The following DAPK1 variants were observed in gnomAD, a reference collection of about 807,000 sequenced individuals.
DAPK1 encodes death-associated protein kinase 1.
Under a neutral mutation model 144.9 loss-of-function variants are expected in DAPK1, and 56 were observed. That is an observed-to-expected ratio of 0.39 (90% CI 0.31 to 0.48). The LOEUF (loss-of-function observed/expected upper bound fraction) is 0.48, where lower values mean the gene tolerates loss of function less well. Ranked by LOEUF, DAPK1 falls within the 20% of genes least tolerant of loss-of-function variation. The pLI is 0.95. For synonymous variants in DAPK1, 690 were observed against 749.0 expected, an observed-to-expected ratio of 0.92 and a Z score of 1.29; for missense variants, 1,454 against 1,875.4, an observed-to-expected ratio of 0.78 and a Z score of 4.15.
intron 2 of DAPK1, among the ~76,000 whole-genome samples, chr9:87,573,837 G>A (rs890807310): frequency 2.0e-5 from 3 of 152,194 alleles, no homozygotes; most frequent in African/African-American, 4.8e-5. Context: ...TTTGAGTTTT[G>A]AAGGTTTCTT....
chr9:87,567,516 C>T lies in DAPK1; in HGVS notation c.63-37438C>T, dbSNP rs1178129176. On this transcript the variant is annotated intron_variant, in intron 2 of 25. Coordinates refer to ENST00000408954, the MANE Select transcript of DAPK1 (RefSeq NM_004938.4). ...AGACCAGGTGTGGATCAGTAGACCC[C>T]GCTCACAATTGGAGTTGCGGGGTCA... Among the ~76,000 whole-genome samples, 9 of 152,038 alleles carry T rather than the reference C, an allele frequency of 5.9e-5. No individual in the cohort carries two copies. In the East Asian group the frequency reaches 1.2e-3, roughly 20 times the overall value.
intron 19 of DAPK1, among the ~76,000 whole-genome samples, chr9:87,677,917 G>A (rs1824458047): frequency 6.6e-6 from 1 of 152,122 alleles, no homozygotes; most frequent in East Asian, 1.9e-4. Flanking sequence ...CGTGGCGCTG[G>A]GGACAATTCA....
intron 20 of DAPK1, among the ~76,000 whole-genome samples, chr9:87,685,019 C>T (rs1279869350): frequency 1.3e-5 from 2 of 152,196 alleles, no homozygotes; most frequent in Non-Finnish European, 2.9e-5. Flanking sequence ...AATTCCAGGT[C>T]ACAGGGAAGT....
intron 3 of DAPK1, among the ~76,000 whole-genome samples, chr9:87,623,800 T>C (rs1479677384): frequency 1.3e-5 from 2 of 152,080 alleles, no homozygotes; most frequent in African/African-American, 4.8e-5. Context: ...GCTCATTTAA[T>C]GTAGAGACGG....
chr9:87,696,354 G>A (rs1251080562), intron 21 of DAPK1, among the ~76,000 whole-genome samples: 1 of 152,070 alleles, frequency 6.6e-6, no homozygotes, highest in Non-Finnish European at 1.5e-5. Flanking sequence ...TAGAAAAACA[G>A]ACATGGATAT....
intron 18 of DAPK1, among the ~76,000 whole-genome samples, chr9:87,664,614 T>C (rs1830985552): frequency 6.6e-6 from 1 of 152,234 alleles, no homozygotes; most frequent in African/African-American, 2.4e-5. Context: ...TGGAATCGTA[T>C]CCGGATTTCT....
intron 18 of DAPK1, among the ~76,000 whole-genome samples, chr9:87,661,470 A>C (rs1176096017): frequency 6.6e-6 from 1 of 152,156 alleles, no homozygotes; most frequent in Non-Finnish European, 1.5e-5. Context: ...CTTTCTCTGC[A>C]TCCTCTCCAA....
chr9:87,512,890 A>G (rs1587673798), intron 2 of DAPK1, among the ~76,000 whole-genome samples: 1 of 151,706 alleles, frequency 6.6e-6, no homozygotes. Context: ...CTGGTGATCC[A>G]CCCACCTCAG....
intron 3 of DAPK1, among the ~76,000 whole-genome samples, chr9:87,629,086 T>A (rs1181253461): frequency 6.6e-6 from 1 of 152,252 alleles, no homozygotes; most frequent in African/African-American, 2.4e-5. Context: ...ATGTGTGATC[T>A]TCTTTGGAAA....
chr9:87,561,176 T>G (rs933151391), intron 2 of DAPK1, among the ~76,000 whole-genome samples: 1 of 152,190 alleles, frequency 6.6e-6, no homozygotes, highest in Non-Finnish European at 1.5e-5. Flanking sequence ...TTATTTCCTA[T>G]CTTTTGGGCA....
intron 2 of DAPK1, among the ~76,000 whole-genome samples, chr9:87,534,218 G>A (rs971895964): frequency 1.3e-5 from 2 of 151,010 alleles, no homozygotes; most frequent in African/African-American, 4.9e-5. Context: ...CACACATATG[G>A]CCAAAATGCA....
At chr9:87,626,276 G>A (rs144773760) in intron 3 of DAPK1, among the ~76,000 whole-genome samples, 10 of 152,226 alleles carry the variant, frequency 6.6e-5, no homozygotes, top group Non-Finnish European at 1.0e-4. Context: ...TTAGCTGGGC[G>A]TGGTGGTGCA....
At position 87,538,532 on chromosome 9, in the gene DAPK1, A is replaced by T. The variant is rs1424179928; in HGVS notation, c.62+39393A>T. On this transcript the variant is annotated intron_variant, in intron 2 of 25. Coordinates refer to ENST00000408954, the MANE Select transcript of DAPK1 (RefSeq NM_004938.4). Reference sequence around the variant, plus strand: ...TTTGAAAGGCCTTTAACTGAAGTCCACTGAAATCTTCAACAACACGGTTCA... The same window carrying T: ...TTTGAAAGGCCTTTAACTGAAGTCCTCTGAAATCTTCAACAACACGGTTCA... 1.3e-5 allele frequency among the ~76,000 whole-genome samples: 2 copies of T among 152,358 alleles called. 1 individual carries two copies. The highest frequency in any genetic ancestry group is 4.1e-4 in the South Asian group (2 of 4,832).
chr9:87,679,376 G>A (rs1824518355), intron 19 of DAPK1, among the ~76,000 whole-genome samples: 1 of 152,108 alleles, frequency 6.6e-6, no homozygotes, highest in South Asian at 2.1e-4. Flanking sequence ...TAAGGGTGAG[G>A]AAGAGGCTTC....
intron 14 of DAPK1, among the ~76,000 whole-genome samples, chr9:87,647,979 G>A (rs889877519): frequency 6.6e-6 from 1 of 152,170 alleles, no homozygotes; most frequent in African/African-American, 2.4e-5. Flanking sequence ...ACCTGAACCT[G>A]GAATTCCTAC....
intron 6 of DAPK1, 31 bp from the exon 7 acceptor site, chr9:87,639,758 T>C: frequency 6.2e-7 from 1 of 1,612,648 alleles, no homozygotes; most frequent in Non-Finnish European, 8.5e-7. Flanking sequence ...TCTTCTGACA[T>C]GTTTTTTTGT....
chr9:87,499,197 C>T (rs1824306261), intron 2 of DAPK1, 58 bp downstream of exon 2: 2 of 1,403,694 alleles, frequency 1.4e-6, no homozygotes, highest in South Asian at 1.2e-5. Context: ...AACGATGGGG[C>T]CATTGGGTGG....
At chr9:87,597,413 G>GA (rs1249847040) in intron 2 of DAPK1, among the ~76,000 whole-genome samples, 1 of 152,136 alleles carries the variant, frequency 6.6e-6, no homozygotes, top group East Asian at 1.9e-4. Context: ...CAATGGGGGG[G>GA]AAAATGTAGA....
chr9:87,505,418 C>T (rs1027640197), intron 2 of DAPK1, among the ~76,000 whole-genome samples: 10 of 152,130 alleles, frequency 6.6e-5, no homozygotes, highest in Admixed American at 5.9e-4. Context: ...TTTTTTGAGA[C>T]GGAGTCTCAC....
Sources: allele counts gnomAD v4.1 joint callset (sites outside exome capture counted in the v4.1 genomes callset), GRCh38; gene constraint gnomAD v4.1.1; transcripts MANE v1.5; gene names NCBI Gene and HGNC (gene_info 2026-07-23, HGNC 2026-07-21).